The following SNTG2 variants were observed in gnomAD, a reference collection of about 807,000 sequenced individuals.
SNTG2 encodes the protein gamma-2-syntrophin.
A neutral mutation model predicts 70.9 loss-of-function variants in SNTG2; 74 were observed. The observed-to-expected ratio is 1.04, with a 90% confidence interval of 0.86 to 1.27. The LOEUF is 1.27. Among genes scored for constraint, SNTG2 ranks in the 50% most tolerant of loss-of-function variants. SNTG2 has a pLI of 0.00. For synonymous variants in SNTG2, 278 were observed against 273.8 expected, an observed-to-expected ratio of 1.02 and a Z score of -0.15; for missense variants, 717 against 690.7, an observed-to-expected ratio of 1.04 and a Z score of -0.43.
chr2:1,332,125 C>T (rs1005171972), intron 16 of SNTG2, among the ~76,000 whole-genome samples: 1 of 152,218 alleles, frequency 6.6e-6, no homozygotes, highest in African/African-American at 2.4e-5. Flanking sequence ...TTTCTACATT[C>T]ATTTGGTAAA....
chr2:1,319,204 G>T (rs1681417116), intron 16 of SNTG2, among the ~76,000 whole-genome samples: 1 of 152,226 alleles, frequency 6.6e-6, no homozygotes. Context: ...TTTGAGACCG[G>T]CATCGCTGCC....
chr2:1,130,063 C>CA lies in SNTG2; in HGVS notation c.326-7553dup, dbSNP rs1409973684. Among the ~76,000 whole-genome samples the CA allele has an allele frequency of 2.6e-5, 4 of 152,036 alleles. No homozygotes were observed. In the East Asian group the frequency reaches 5.8e-4, roughly 22 times the overall value. Reference sequence around the variant, plus strand: ...AACTCATTCATCTTACATTCTTGGCCAAAAAACTTAAAAGCCATATGTGCC... The same window carrying CA: ...AACTCATTCATCTTACATTCTTGGCCAAAAAAACTTAAAAGCCATATGTGCC... On this transcript the variant is annotated intron_variant, in intron 4 of 16. Transcript: ENST00000308624.
At chr2:1,059,384 T>C (rs1662669516) in intron 1 of SNTG2, 2 of 149,684 alleles carry the variant, frequency 1.3e-5, no homozygotes, top group East Asian at 2.0e-4. Flanking sequence ...ATAATAATAA[T>C]CAGTCAAGAT....
At chr2:1,171,155 A>G (rs1257270999) in intron 7 of SNTG2, among the ~76,000 whole-genome samples, 1 of 152,252 alleles carries the variant, frequency 6.6e-6, no homozygotes, top group Non-Finnish European at 1.5e-5. Context: ...GTTTTAAAAA[A>G]TAATGGACTT....
intron 14 of SNTG2, among the ~76,000 whole-genome samples, chr2:1,303,361 T>A (rs373886253): frequency 9.7e-4 from 148 of 151,960 alleles, no homozygotes; most frequent in African/African-American, 3.4e-3. Context: ...CTCCAAACAC[T>A]TAGATACTGC....
chr2:1,213,249 G>A (rs750491203), intron 9 of SNTG2, among the ~76,000 whole-genome samples: 15 of 152,096 alleles, frequency 9.9e-5, no homozygotes, highest in Non-Finnish European at 1.8e-4. Context: ...TACTCTTTTA[G>A]CAATTTTGAA....
chr2:1,243,882 C>T (rs944284528), intron 11 of SNTG2, among the ~76,000 whole-genome samples: 5 of 152,176 alleles, frequency 3.3e-5, no homozygotes, highest in Non-Finnish European at 7.3e-5. Context: ...AAAAATTAGC[C>T]GGGCGTGGTG....
At chr2:1,267,829 C>T (rs1038148521) in intron 14 of SNTG2, among the ~76,000 whole-genome samples, 2 of 152,158 alleles carry the variant, frequency 1.3e-5, no homozygotes, top group Non-Finnish European at 1.5e-5. Context: ...CGGGCTGCAT[C>T]GCTTTCCAGG....
chr2:1,325,114 G>A (rs1681707190), intron 16 of SNTG2, among the ~76,000 whole-genome samples: 1 of 152,120 alleles, frequency 6.6e-6, no homozygotes, highest in Admixed American at 6.5e-5. Context: ...AGGCAGTCTG[G>A]TTATATCTAA....
chr2:1,361,247 C>T (rs1661125681), intron 16 of SNTG2, among the ~76,000 whole-genome samples: 1 of 151,984 alleles, frequency 6.6e-6, no homozygotes, highest in Non-Finnish European at 1.5e-5. Context: ...CATTCTCCAC[C>T]AACAATAAGA....
In SNTG2 at chr2:1,165,590, G is replaced by T; in HGVS notation, c.454G>T (p.Val152Phe). The T allele has an allele frequency of 6.2e-7, 1 of 1,613,028 alleles. No homozygotes were observed. Among genetic ancestry groups the T allele is most frequent in the Non-Finnish European group, 8.5e-7 (1 of 1,179,594 alleles). Residue 152 changes from valine (V) to phenylalanine (F), a missense_variant, in exon 7 of 17, where the codon GTT becomes TTT. Coordinates refer to ENST00000308624, the MANE Select transcript of SNTG2 (RefSeq NM_018968.4). ...RNAGDEVTITVEYLREAPAFL... is the reference protein window; with the variant it reads ...RNAGDEVTITFEYLREAPAFL... Reference sequence around the variant, plus strand: ...TGCTGGCGATGAAGTTACCATCACCGTTGAGTATCTCAGGGAAGCGCCGGC... The same window carrying T: ...TGCTGGCGATGAAGTTACCATCACCTTTGAGTATCTCAGGGAAGCGCCGGC...
At chr2:1,089,180 T>C (rs1010639035) in intron 2 of SNTG2, among the ~76,000 whole-genome samples, 1 of 152,226 alleles carries the variant, frequency 6.6e-6, no homozygotes, top group African/African-American at 2.4e-5. Flanking sequence ...ACTTGGATAG[T>C]GGCCGACTCT....
chr2:1,211,745 A>G (rs28583440), intron 9 of SNTG2, among the ~76,000 whole-genome samples: 27,741 of 152,038 alleles, frequency 0.18, 5,044 homozygotes, highest in African/African-American at 0.47. Flanking sequence ...CCATGATTCA[A>G]TTACCTCCCA....
intron 11 of SNTG2, among the ~76,000 whole-genome samples, chr2:1,244,121 T>C (rs939747498): frequency 6.7e-6 from 1 of 150,164 alleles, no homozygotes; most frequent in African/African-American, 2.4e-5. Context: ...ACTTTAAATC[T>C]CTCTACCCCG....
intron 4 of SNTG2, among the ~76,000 whole-genome samples, chr2:1,120,230 AAAC>A (rs1419955640): frequency 3.9e-5 from 6 of 152,186 alleles, no homozygotes; most frequent in South Asian, 4.1e-4. Context: ...GAATATTACA[AAAC>A]AACAAGAGAA....
In SNTG2 at chr2:1,247,315, ACCCCTCTG is replaced by A; in HGVS notation, c.889-10_889-3del. The A allele has an allele frequency of 6.4e-7, 1 of 1,572,612 alleles. No individual in the cohort carries two copies. The highest frequency in any genetic ancestry group is 8.7e-7 in the Non-Finnish European group (1 of 1,143,588). ...CATTAAGGCTTGGTTTGTAATTTTC[ACCCCTCTG>A]CAGGTTGTGCATATGGGGTGGGTAA... is the stretch of plus-strand genomic sequence containing the variant. On this transcript the variant is annotated splice_region_variant and splice_polypyrimidine_tract_variant and intron_variant, in intron 11 of 16. Coordinates refer to ENST00000308624, the MANE Select transcript of SNTG2 (RefSeq NM_018968.4).
chr2:997,665 G>A (rs1303311339), intron 1 of SNTG2, among the ~76,000 whole-genome samples: 1 of 152,130 alleles, frequency 6.6e-6, no homozygotes, highest in Non-Finnish European at 1.5e-5. Flanking sequence ...TACATAGTGT[G>A]GTCTGGCAGG....
chr2:1,106,506 G>T (rs1317714093), intron 4 of SNTG2, among the ~76,000 whole-genome samples: 39 of 125,608 alleles, frequency 3.1e-4, no homozygotes, highest in Non-Finnish European at 5.3e-4. Context: ...TGTCACTCGG[G>T]TGCAGGGTAT....
chr2:1,167,703 ACGGCAGAAC>A (rs1670824034), intron 7 of SNTG2, among the ~76,000 whole-genome samples: 12 of 80,636 alleles, frequency 1.5e-4, no homozygotes, highest in South Asian at 6.3e-4. Context: ...CCGCCCACAG[ACGGCAGAAC>A]TGAAGCCTAG....
Sources: allele counts gnomAD v4.1 joint callset (sites outside exome capture counted in the v4.1 genomes callset), GRCh38; gene constraint gnomAD v4.1.1; transcripts MANE v1.5; gene names NCBI Gene and HGNC (gene_info 2026-07-23, HGNC 2026-07-21).